The following PCDHA6 variants were observed in gnomAD, a reference collection of about 807,000 sequenced individuals.
PCDHA6 encodes protocadherin alpha-6.
In PCDHA6, 55 loss-of-function variants were observed where a neutral mutation model predicts 60.3. That is an observed-to-expected ratio of 0.91 (90% CI 0.73 to 1.14). PCDHA6 has a LOEUF of 1.14. PCDHA6 is among the 50% of genes most tolerant of loss of function. The probability of loss-of-function intolerance (pLI) is 0.00; values close to 1 mark genes in which losing one functional copy is unlikely to be tolerated. For synonymous variants in PCDHA6, 652 were observed against 557.9 expected (o/e 1.17, Z -2.38); for missense variants, 1,327 against 1,256.5 (o/e 1.06, Z -0.85).
intron 1 of PCDHA6, among the ~76,000 whole-genome samples, chr5:140,903,417 T>C (rs1583492047): frequency 6.6e-6 from 1 of 152,200 alleles, no homozygotes; most frequent in Non-Finnish European, 1.5e-5. Flanking sequence ...CAGGAAAAAT[T>C]CAGCACAATA....
At chr5:140,988,600 T>C (rs962869761) in intron 3 of PCDHA6, among the ~76,000 whole-genome samples, 15 of 152,214 alleles carry the variant, frequency 9.9e-5, no homozygotes, top group Non-Finnish European at 1.8e-4. Context: ...AATGGTCATG[T>C]AAATAAAAGA....
intron 1 of PCDHA6, among the ~76,000 whole-genome samples, chr5:140,971,278 ATATTAATATG>A (rs1408088373): frequency 6.6e-6 from 1 of 152,208 alleles, no homozygotes; most frequent in African/African-American, 2.4e-5. Context: ...ACTGACCTGT[ATATTAATATG>A]TACTTTGGTA....
chr5:140,876,250 A>T, intron 1 of PCDHA6: 1 of 1,614,046 alleles, frequency 6.2e-7, no homozygotes, highest in South Asian at 1.1e-5. Flanking sequence ...AAACGACACA[A>T]GAGTGATCCA....
chr5:140,947,760 A>C (rs1332466215), intron 1 of PCDHA6, among the ~76,000 whole-genome samples: 1 of 151,618 alleles, frequency 6.6e-6, no homozygotes, highest in Non-Finnish European at 1.5e-5. Context: ...TTATGGTTTA[A>C]AAAATTCTAT....
intron 1 of PCDHA6, among the ~76,000 whole-genome samples, chr5:140,885,103 C>G (rs1336980793): frequency 6.6e-6 from 1 of 152,018 alleles, no homozygotes; most frequent in Non-Finnish European, 1.5e-5. Context: ...CACATAAATG[C>G]TTTTTTTAAG....
intron 1 of PCDHA6, among the ~76,000 whole-genome samples, chr5:140,946,635 A>G (rs2094003182): frequency 1.6e-5 from 1 of 62,812 alleles, no homozygotes; most frequent in Admixed American, 1.5e-4. Flanking sequence ...TATATATACA[A>G]TGGAATACTC....
intron 1 of PCDHA6, among the ~76,000 whole-genome samples, chr5:140,932,592 T>C (rs1435571468): frequency 7.2e-5 from 11 of 151,922 alleles, no homozygotes; most frequent in Non-Finnish European, 2.9e-5. Context: ...AGATGTTTTG[T>C]ATATCTATTT....
At position 140,957,203 on chromosome 5, in the gene PCDHA6, A is replaced by T. The variant is rs921844658; in HGVS notation, c.2395-21746A>T. 3.3e-5 allele frequency among the ~76,000 whole-genome samples: 5 copies of T among 152,184 alleles called. 1 individual carries two copies. In the South Asian group the frequency reaches 6.2e-4, roughly 19 times the overall value. ...TATTGATGACCGATTGGGAATATAAATAGGCACAAAAATTTGGCGAAGCAT... is the reference window on the plus strand; with the variant it reads ...TATTGATGACCGATTGGGAATATAATTAGGCACAAAAATTTGGCGAAGCAT... On this transcript the variant is annotated intron_variant, in intron 1 of 3. Transcript: ENST00000529310.
chr5:140,857,262 C>A (rs969366268), intron 1 of PCDHA6: 1 of 1,598,710 alleles, frequency 6.3e-7, no homozygotes, highest in Non-Finnish European at 8.6e-7. Context: ...AATTACTACT[C>A]ATTGGTGCTG....
chr5:140,850,695 C>T lies in PCDHA6; in HGVS notation c.2394+20210C>T, dbSNP rs2150494737. 6 of 1,598,304 alleles carry T rather than the reference C, an allele frequency of 3.8e-6. No homozygotes were observed. The South Asian group carries it at 5.5e-5, about 15-fold the overall frequency. On this transcript the variant is annotated intron_variant, in intron 1 of 3. Transcript: ENST00000529310. Reference sequence around the variant, plus strand: ...GATGCCCACCGAGGGCGAGTGCGCGCCTGGCAAGCCGACGCTGGTGTGTTC... The same window carrying T: ...GATGCCCACCGAGGGCGAGTGCGCGTCTGGCAAGCCGACGCTGGTGTGTTC...
chr5:140,964,363 G>A (rs1050460842), intron 1 of PCDHA6, among the ~76,000 whole-genome samples: 1 of 152,188 alleles, frequency 6.6e-6, no homozygotes, highest in Non-Finnish European at 1.5e-5. Flanking sequence ...GATGACAAGA[G>A]TGCTGAAAGG....
chr5:140,914,020 C>T (rs2076562854), intron 1 of PCDHA6, among the ~76,000 whole-genome samples: 1 of 152,036 alleles, frequency 6.6e-6, no homozygotes, highest in African/African-American at 2.4e-5. Context: ...GAGAATGATC[C>T]ACGTGCTGAG....
intron 3 of PCDHA6, among the ~76,000 whole-genome samples, chr5:141,009,180 T>C (rs1272195338): frequency 6.6e-6 from 1 of 152,170 alleles, no homozygotes; most frequent in Non-Finnish European, 1.5e-5. Context: ...CTTGGCTGGG[T>C]GTGGTAGCTC....
At chr5:140,868,057 G>C (rs1243916361) in intron 1 of PCDHA6, 4 of 152,030 alleles carry the variant, frequency 2.6e-5, no homozygotes, top group African/African-American at 7.2e-5. Flanking sequence ...ATGGCACAAA[G>C]ATGTTCAGGG....
In PCDHA6 at chr5:140,829,624, C is replaced by T. The variant is rs2150171535; in HGVS notation, c.1533C>T (p.His511=). The stretch of plus-strand genomic sequence containing the variant: ...CGTTGTCGAGCTACATTTCGGTGCA[C>T]GCGGAGAGCGGCAAGGTGTACGCGC... ...ERALSSYISV[H]AESGKVYALQ... is the part of the protein sequence containing the mutation. The change falls in exon 1 of 4, where the codon CAC becomes CAT. Residue 511 remains histidine, a synonymous_variant. Coordinates refer to ENST00000529310, the MANE Select transcript of PCDHA6 (RefSeq NM_018909.4). 136 of 1,612,064 alleles carry T rather than the reference C, an allele frequency of 8.4e-5. No individual in the cohort carries two copies. The highest frequency in any genetic ancestry group is 1.1e-4 in the Non-Finnish European group (131 of 1,179,796).
chr5:140,927,821 T>C (rs1554205108), intron 1 of PCDHA6: 1 of 1,614,118 alleles, frequency 6.2e-7, no homozygotes, highest in South Asian at 1.1e-5. Context: ...GAGGCATACA[T>C]TGAGGCGAGG....
intron 1 of PCDHA6, chr5:140,870,855 G>A: frequency 6.2e-7 from 1 of 1,613,910 alleles, no homozygotes; most frequent in Non-Finnish European, 8.5e-7. Flanking sequence ...CGCGGTCGGT[G>A]GGTGCGGGCC....
intron 1 of PCDHA6, chr5:140,966,660 A>G: frequency 8.2e-7 from 1 of 1,217,300 alleles, no homozygotes; most frequent in Non-Finnish European, 1.1e-6. Context: ...GCGGTGGGGG[A>G]GCAGGCGCAG....
intron 1 of PCDHA6, chr5:140,836,158 C>A (rs1774252589): frequency 6.2e-7 from 1 of 1,613,784 alleles, no homozygotes; most frequent in African/African-American, 1.3e-5. Flanking sequence ...CATGTGGTGG[C>A]GAAGGTACGT....
Sources: gnomAD v4.1 joint callset for allele counts (sites outside exome capture counted in the v4.1 genomes callset) on GRCh38, gnomAD v4.1.1 for gene constraint, MANE v1.5 for transcripts, NCBI Gene and HGNC (gene_info 2026-07-23, HGNC 2026-07-21) for gene names.